Variants in NBEA observed in about 807,000 individuals in gnomAD.
The protein encoded by NBEA is neurobeachin.
NBEA carries 44 observed loss-of-function variants against 343.4 expected under a neutral mutation model. The ratio of observed to expected loss-of-function variants is 0.13; its 90% CI spans 0.10 to 0.16. The LOEUF is 0.16. NBEA is among the 10% of genes least tolerant of loss of function. The pLI, the probability that NBEA is intolerant of heterozygous loss-of-function variation, is 1.00. For missense variants in NBEA, 2,555 were observed against 3,631.3 expected (o/e 0.70, Z 7.62); for synonymous variants, 1,175 against 1,238.7 (o/e 0.95, Z 1.08).
chr13:35,075,259 A>G (rs2064061881), intron 10 of NBEA, among the ~76,000 whole-genome samples: 1 of 152,164 alleles, frequency 6.6e-6, no homozygotes, highest in Non-Finnish European at 1.5e-5. Flanking sequence ...GAATTAAAAT[A>G]AGACATGTAA....
intron 34 of NBEA, among the ~76,000 whole-genome samples, chr13:35,281,512 C>A (rs1041176248): frequency 1.3e-5 from 2 of 152,108 alleles, no homozygotes; most frequent in Non-Finnish European, 2.9e-5. Flanking sequence ...CTACTTGAAC[C>A]TGCCTTAGCC....
chr13:35,610,088 A>G (rs992071819), intron 48 of NBEA, among the ~76,000 whole-genome samples: 4 of 152,226 alleles, frequency 2.6e-5, no homozygotes, highest in African/African-American at 9.6e-5. Flanking sequence ...TGGTCCCCAC[A>G]GTTTTTCCTC....
chr13:35,084,116 C>G (rs1318659827), intron 10 of NBEA, among the ~76,000 whole-genome samples: 1 of 152,074 alleles, frequency 6.6e-6, no homozygotes, highest in Non-Finnish European at 1.5e-5. Flanking sequence ...GACTGCCACA[C>G]AATAATAATG....
At chr13:35,398,855 G>A (rs971706488) in intron 38 of NBEA, among the ~76,000 whole-genome samples, 2 of 152,062 alleles carry the variant, frequency 1.3e-5, no homozygotes, top group Admixed American at 1.3e-4. Context: ...GAGTTAGCAT[G>A]CCCTTTGAAG....
intron 38 of NBEA, among the ~76,000 whole-genome samples, chr13:35,374,144 T>C (rs1183198845): frequency 6.6e-6 from 1 of 152,164 alleles, no homozygotes; most frequent in Non-Finnish European, 1.5e-5. Flanking sequence ...GACACCACTT[T>C]TTTTCACTGG....
intron 39 of NBEA, among the ~76,000 whole-genome samples, chr13:35,435,365 A>T (rs550920750): frequency 6.6e-6 from 1 of 152,162 alleles, no homozygotes; most frequent in Non-Finnish European, 1.5e-5. Flanking sequence ...ACTGGGGTCC[A>T]TGATCTGGAT....
chr13:35,181,249 GT>G (rs1391345323), intron 28 of NBEA, among the ~76,000 whole-genome samples: 1 of 151,866 alleles, frequency 6.6e-6, no homozygotes, highest in African/African-American at 2.4e-5. Flanking sequence ...TCTGCACACT[GT>G]TTTCCACGGT....
intron 43 of NBEA, among the ~76,000 whole-genome samples, chr13:35,553,586 T>A (rs1264678771): frequency 3.3e-5 from 5 of 152,146 alleles, no homozygotes; most frequent in Non-Finnish European, 5.9e-5. Context: ...ACAAGAGATA[T>A]TCTGCCAGAG....
intron 1 of NBEA, among the ~76,000 whole-genome samples, chr13:34,987,434 C>G (rs1433284680): frequency 6.6e-6 from 1 of 150,690 alleles, no homozygotes; most frequent in Non-Finnish European, 1.5e-5. Flanking sequence ...ACATTTTTTC[C>G]TTCTTTTCAA....
rs1303819351 is a variant in NBEA, at chr13:35,089,541, C to T, written c.1572-8756C>T. Among the ~76,000 whole-genome samples, 56 of 103,770 alleles carry T rather than the reference C, an allele frequency of 5.4e-4. 1 individual carries two copies. Among genetic ancestry groups the T allele is most frequent in the African/African-American group, 2.2e-3 (54 of 24,926 alleles). The allele number at this position is 103,770 out of a possible 152,430, so 68.1% of individuals were successfully genotyped here. A position where few individuals can be genotyped will look rare whatever the true frequency, so the allele number is the denominator to read the frequency against. On this transcript the variant is annotated intron_variant, in intron 10 of 58. Coordinates refer to ENST00000379939, the MANE Select transcript of NBEA (RefSeq NM_001385012.1). Reference sequence around the variant, plus strand: ...TCTAGAACTAGAAATACCATTTGACCCAGCCATCCCATTACTGGGTATATA... The same window carrying T: ...TCTAGAACTAGAAATACCATTTGACTCAGCCATCCCATTACTGGGTATATA...
At chr13:35,589,452 A>C (rs187184903) in intron 46 of NBEA, among the ~76,000 whole-genome samples, 1 of 152,064 alleles carries the variant, frequency 6.6e-6, no homozygotes, top group Admixed American at 6.6e-5. Flanking sequence ...TATGCTTCCA[A>C]TCACTTCAAA....
At chr13:35,430,810 A>AC (rs1382505348) in intron 38 of NBEA, among the ~76,000 whole-genome samples, 1 of 152,132 alleles carries the variant, frequency 6.6e-6, no homozygotes, top group East Asian at 1.9e-4. Flanking sequence ...TTGTATTTGT[A>AC]AGGACAGAAA....
chr13:35,623,348 T>C (rs1026538554), intron 48 of NBEA, among the ~76,000 whole-genome samples: 1 of 152,122 alleles, frequency 6.6e-6, no homozygotes, highest in Non-Finnish European at 1.5e-5. Flanking sequence ...TTTAGACAAG[T>C]TGTTATATTT....
intron 41 of NBEA, among the ~76,000 whole-genome samples, chr13:35,514,762 A>T (rs1037987307): frequency 1.1e-4 from 16 of 152,238 alleles, no homozygotes; most frequent in Admixed American, 9.8e-4. Flanking sequence ...ATTCCAATAT[A>T]TGGCAGTGTG....
rs1555270533 is a variant in NBEA, at chr13:35,459,017, C to CCACACA, written c.6448+6798_6448+6803dup. 3.3e-4 allele frequency among the ~76,000 whole-genome samples: 25 copies of CCACACA among 74,928 alleles called. 1 individual carries two copies. The highest frequency in any genetic ancestry group is 1.5e-3 in the African/African-American group (24 of 16,498). 49.2% of individuals were successfully genotyped at this position (74,928 alleles called of 152,430 possible). A position where few individuals can be genotyped will look rare whatever the true frequency, so the allele number is the denominator to read the frequency against. ...TTTCTTTACCACCGCCCCCCCCCCC[C>CCACACA]CACACACACACACACACACACTTAC... On this transcript the variant is annotated intron_variant, in intron 40 of 58. Coordinates refer to ENST00000379939, the MANE Select transcript of NBEA (RefSeq NM_001385012.1).
intron 38 of NBEA, among the ~76,000 whole-genome samples, chr13:35,408,959 C>T (rs889491551): frequency 6.6e-6 from 1 of 152,060 alleles, no homozygotes; most frequent in Non-Finnish European, 1.5e-5. Context: ...AACCTGAAGA[C>T]AGAAATACCA....
At chr13:35,184,440 C>T (rs1566424863) in intron 30 of NBEA, among the ~76,000 whole-genome samples, 1 of 151,984 alleles carries the variant, frequency 6.6e-6, no homozygotes, top group Non-Finnish European at 1.5e-5. Flanking sequence ...TCAAACTGAT[C>T]TATACGTTAT....
chr13:35,646,923 C>T (rs1324974), intron 51 of NBEA, among the ~76,000 whole-genome samples: 19,808 of 152,010 alleles, frequency 0.13, 1,384 homozygotes, highest in South Asian at 0.2. Flanking sequence ...TCAGCATCTT[C>T]AAAATAGAGG....
At chr13:35,133,508 CAT>C (rs759369288) in intron 17 of NBEA, among the ~76,000 whole-genome samples, 31 of 152,024 alleles carry the variant, frequency 2.0e-4, no homozygotes, top group African/African-American at 6.5e-4. Flanking sequence ...GAGAAAGTCT[CAT>C]GTGTGTGAAC....
Sources: gnomAD v4.1 joint callset for allele counts (sites outside exome capture counted in the v4.1 genomes callset) on GRCh38, gnomAD v4.1.1 for gene constraint, MANE v1.5 for transcripts, NCBI Gene and HGNC (gene_info 2026-07-23, HGNC 2026-07-21) for gene names.